Variants in WWOX observed in about 807,000 individuals in gnomAD.
The protein encoded by WWOX is WW domain-containing oxidoreductase.
WWOX carries 69 observed loss-of-function variants against 46.2 expected under a neutral mutation model. The observed-to-expected ratio is 1.49, with a 90% CI of 1.23 to 1.82. WWOX has a LOEUF of 1.82. Ranked by LOEUF, WWOX falls within the 40% of genes most tolerant of loss-of-function variation. WWOX has a pLI of 0.00. For missense variants in WWOX, 919 were observed against 542.6 expected (o/e 1.69, Z -6.89); for synonymous variants, 359 against 202.6 (o/e 1.77, Z -6.56).
At chr16:78,843,862 T>A (rs370766276) in intron 8 of WWOX, among the ~76,000 whole-genome samples, 2 of 152,234 alleles carry the variant, frequency 1.3e-5, no homozygotes, top group East Asian at 3.8e-4. Flanking sequence ...ATATTTTTAA[T>A]TTGTTTTCTC....
At chr16:78,253,866 A>C (rs1323484139) in intron 5 of WWOX, among the ~76,000 whole-genome samples, 1 of 152,124 alleles carries the variant, frequency 6.6e-6, no homozygotes, top group Non-Finnish European at 1.5e-5. Flanking sequence ...GCTTACGTAC[A>C]TGCTTTCGGC....
intron 8 of WWOX, among the ~76,000 whole-genome samples, chr16:78,448,014 A>G (rs996898080): frequency 4.6e-5 from 7 of 152,014 alleles, no homozygotes; most frequent in Admixed American, 3.9e-4. Context: ...ATACTGGCCC[A>G]GCTGGTCTTG....
intron 8 of WWOX, among the ~76,000 whole-genome samples, chr16:78,875,609 A>T (rs1311779429): frequency 6.6e-6 from 1 of 152,166 alleles, no homozygotes; most frequent in Admixed American, 6.6e-5. Context: ...CAAGGTGAGT[A>T]TCGTCAGAAT....
At chr16:78,383,589 A>T (rs561108573) in intron 5 of WWOX, among the ~76,000 whole-genome samples, 1 of 152,156 alleles carries the variant, frequency 6.6e-6, no homozygotes, top group Non-Finnish European at 1.5e-5. Flanking sequence ...TATTTAGAGC[A>T]TGTCCCACTA....
intron 8 of WWOX, among the ~76,000 whole-genome samples, chr16:79,198,520 G>A (rs2051285304): frequency 6.6e-6 from 1 of 152,188 alleles, no homozygotes; most frequent in Non-Finnish European, 1.5e-5. Flanking sequence ...AAACCTAAGA[G>A]TCTCAGGTGC....
intron 8 of WWOX, among the ~76,000 whole-genome samples, chr16:78,516,648 T>A (rs928133756): frequency 6.6e-6 from 1 of 152,188 alleles, no homozygotes; most frequent in Non-Finnish European, 1.5e-5. Flanking sequence ...CTCCTATTCC[T>A]CTGTACCCTT....
intron 5 of WWOX, among the ~76,000 whole-genome samples, chr16:78,347,055 G>T (rs1175191517): frequency 2.5e-5 from 3 of 118,586 alleles, no homozygotes; most frequent in African/African-American, 8.6e-5. Context: ...TTTTGTGGGG[G>T]TTGGGGTAAT....
chr16:78,680,468 G>A (rs904319897), intron 8 of WWOX, among the ~76,000 whole-genome samples: 6 of 152,090 alleles, frequency 3.9e-5, no homozygotes, highest in African/African-American at 1.4e-4. Flanking sequence ...CCGGGAGGTA[G>A]AGGCATGATC....
rs529712853 is a variant in WWOX, at chr16:79,116,817, A to AT, written c.1057-94787dup. ...TAGAATGCTGAATCCTTTCTAGAAG[A>AT]TTTTCAATTTACTTAGCCCAGATCC... On this transcript the variant is annotated intron_variant, in intron 8 of 8. Coordinates refer to ENST00000566780, the MANE Select transcript of WWOX (RefSeq NM_016373.4). Among the ~76,000 whole-genome samples, 92 of 152,008 alleles carry AT rather than the reference A, an allele frequency of 6.1e-4. 2 individuals are homozygous for AT. The highest frequency in any genetic ancestry group is 2.2e-3 in the African/African-American group (91 of 41,450).
intron 8 of WWOX, among the ~76,000 whole-genome samples, chr16:79,032,595 CAT>C (rs1464693531): frequency 1.4e-5 from 2 of 147,516 alleles, no homozygotes; most frequent in Non-Finnish European, 3.0e-5. Flanking sequence ...GGGGCAAAAA[CAT>C]ATATATAATG....
intron 5 of WWOX, among the ~76,000 whole-genome samples, chr16:78,337,212 A>T (rs1350735069): frequency 1.3e-5 from 2 of 152,184 alleles, no homozygotes; most frequent in Non-Finnish European, 2.9e-5. Flanking sequence ...CAAATCCCTC[A>T]ATGTGTTGAC....
intron 8 of WWOX, among the ~76,000 whole-genome samples, chr16:78,470,561 G>A (rs949497237): frequency 2.6e-5 from 4 of 152,188 alleles, no homozygotes; most frequent in Admixed American, 1.3e-4. Flanking sequence ...ACAGAATCTT[G>A]CTCTGTCGCC....
intron 8 of WWOX, among the ~76,000 whole-genome samples, chr16:79,024,894 A>G (rs1057124442): frequency 1.3e-5 from 2 of 152,314 alleles, no homozygotes; most frequent in South Asian, 2.1e-4. Flanking sequence ...TCTAAAGAGG[A>G]ATGGGAGTCA....
chr16:78,396,300 G>T (rs535345674), intron 6 of WWOX, among the ~76,000 whole-genome samples: 395 of 151,546 alleles, frequency 2.6e-3, no homozygotes, highest in African/African-American at 8.5e-3. Context: ...CATGACATTT[G>T]TCGGAAAAAA....
chr16:79,104,831 G>A (rs140634742), intron 8 of WWOX, among the ~76,000 whole-genome samples: 86 of 152,248 alleles, frequency 5.6e-4, no homozygotes, highest in African/African-American at 1.6e-3. Flanking sequence ...AATACTGTGC[G>A]TACTTGCAAT....
intron 5 of WWOX, among the ~76,000 whole-genome samples, chr16:78,183,710 C>T (rs976073375): frequency 1.3e-5 from 2 of 152,184 alleles, no homozygotes; most frequent in Admixed American, 6.5e-5. Context: ...CCTTGCACAT[C>T]CTGGGTTCTA....
intron 8 of WWOX, among the ~76,000 whole-genome samples, chr16:78,942,646 T>G (rs1046057040): frequency 6.6e-6 from 1 of 152,190 alleles, no homozygotes; most frequent in Non-Finnish European, 1.5e-5. Flanking sequence ...TTTTCACACG[T>G]GGCATGAAGA....
At chr16:78,555,168 T>TTTA in intron 8 of WWOX, among the ~76,000 whole-genome samples, 1 of 128,414 alleles carries the variant, frequency 7.8e-6, no homozygotes, top group African/African-American at 2.9e-5. Context: ...TATGATTTTG[T>TTTA]AAAAAAAAAA....
At chr16:78,617,939 G>C (rs924524905) in intron 8 of WWOX, among the ~76,000 whole-genome samples, 2 of 152,138 alleles carry the variant, frequency 1.3e-5, no homozygotes, top group Admixed American at 6.5e-5. Context: ...AGTGTGAGTG[G>C]GAAAGGACTT....
Sources: gnomAD v4.1 joint callset for allele counts (sites outside exome capture counted in the v4.1 genomes callset) on GRCh38, gnomAD v4.1.1 for gene constraint, MANE v1.5 for transcripts, NCBI Gene and HGNC (gene_info 2026-07-23, HGNC 2026-07-21) for gene names.